Variants in NPEPPS observed in about 807,000 individuals in gnomAD.
The protein encoded by NPEPPS is puromycin-sensitive aminopeptidase.
NPEPPS carries 14 observed loss-of-function variants against 115.5 expected under a neutral mutation model. That is an observed-to-expected ratio of 0.12 (90% CI 0.08 to 0.19). NPEPPS has a LOEUF of 0.19. NPEPPS is among the 10% of genes least tolerant of loss of function. The pLI, the probability that NPEPPS is intolerant of heterozygous loss-of-function variation, is 1.00. For missense variants in NPEPPS, 523 were observed against 1,110.8 expected (o/e 0.47, Z 7.52); for synonymous variants, 285 against 390.6 (o/e 0.73, Z 3.19).
chr17:47,622,833 T>C lies in NPEPPS; in HGVS notation c.*913T>C. 2.2e-6 allele frequency: 1 copy of C among 455,152 alleles called. No individual in the cohort carries two copies. The highest frequency in any genetic ancestry group is 1.6e-5 in the South Asian group (1 of 64,302). 28.2% of individuals were successfully genotyped at this position (455,152 alleles called of 1,614,324 possible). On this transcript the variant is annotated 3_prime_UTR_variant, in exon 23 of 23. Coordinates refer to ENST00000322157, the MANE Select transcript of NPEPPS (RefSeq NM_006310.4). ...GGAGTTATTCTGCTAAAAATGGTCT[T>C]AGTTGTCTGAAAAGCCAGCTCTTGA...
At chr17:47,525,775 C>G (rs1247012923) in intron 1 of NPEPPS, among the ~76,000 whole-genome samples, 1 of 152,098 alleles carries the variant, frequency 6.6e-6, no homozygotes, top group African/African-American at 2.4e-5. Context: ...AAAATATTGT[C>G]TCTTGGTTAA....
intron 1 of NPEPPS, among the ~76,000 whole-genome samples, chr17:47,543,313 A>T (rs12947261): frequency 6.8e-5 from 10 of 146,522 alleles, no homozygotes; most frequent in African/African-American, 7.5e-5. Flanking sequence ...CAGTAAAAAA[A>T]TTTTTTTTTT....
upstream of NPEPPS, among the ~76,000 whole-genome samples, chr17:47,529,909 A>C: frequency 7.7e-6 from 1 of 130,700 alleles, no homozygotes; most frequent in Middle Eastern, 3.4e-3. Flanking sequence ...GAAAAGGTGA[A>C]ACATCCCATT....
chr17:47,604,557 G>T (rs1293577565), intron 16 of NPEPPS, among the ~76,000 whole-genome samples: 1 of 152,212 alleles, frequency 6.6e-6, no homozygotes, highest in African/African-American at 2.4e-5. Flanking sequence ...TTCAGCGTAG[G>T]TTAGGTAATT....
intron 9 of NPEPPS, among the ~76,000 whole-genome samples, chr17:47,588,016 A>G (rs1157459242): frequency 1.3e-5 from 2 of 151,518 alleles, no homozygotes; most frequent in Non-Finnish European, 2.9e-5. Context: ...TAATAAGTGA[A>G]CTAGATGTAC....
At chr17:47,524,123 T>C (rs1388444761) in intron 1 of NPEPPS, among the ~76,000 whole-genome samples, 11 of 116,238 alleles carry the variant, frequency 9.5e-5, no homozygotes, top group Non-Finnish European at 1.6e-4. Context: ...CTGGCCAACA[T>C]GGTGAAACCC....
intron 3 of NPEPPS, among the ~76,000 whole-genome samples, chr17:47,572,511 C>T (rs1911259375): frequency 6.6e-6 from 1 of 151,616 alleles, no homozygotes; most frequent in Admixed American, 6.6e-5. Context: ...AAGCTAATTA[C>T]TATCCTTAGA....
intron 1 of NPEPPS, among the ~76,000 whole-genome samples, chr17:47,537,413 G>A (rs1464504518): frequency 1.3e-5 from 2 of 152,090 alleles, no homozygotes; most frequent in Non-Finnish European, 1.5e-5. Flanking sequence ...AGTTTACTAG[G>A]CTGGGTGTGG....
At chr17:47,540,855 C>G (rs536416390) in intron 1 of NPEPPS, among the ~76,000 whole-genome samples, 1 of 152,218 alleles carries the variant, frequency 6.6e-6, no homozygotes, top group Non-Finnish European at 1.5e-5. Context: ...TAATATAAGA[C>G]AAGATGCTGA....
chr17:47,614,186 C>G (rs1914049112), intron 19 of NPEPPS, among the ~76,000 whole-genome samples: 1 of 152,048 alleles, frequency 6.6e-6, no homozygotes, highest in African/African-American at 2.4e-5. Flanking sequence ...CCAGGCTGGT[C>G]TCAAATTCCT....
intron 18 of NPEPPS, among the ~76,000 whole-genome samples, chr17:47,613,129 T>G (rs1200408699): frequency 6.6e-6 from 1 of 152,184 alleles, no homozygotes; most frequent in Non-Finnish European, 1.5e-5. Context: ...GAAAGGTGAT[T>G]AGCTGTGCAC....
At chr17:47,525,602 C>CA (rs1330471212) in intron 1 of NPEPPS, among the ~76,000 whole-genome samples, 2 of 152,170 alleles carry the variant, frequency 1.3e-5, no homozygotes, top group Non-Finnish European at 1.5e-5. Context: ...CTTGGCCTCC[C>CA]ATAGTGCTGG....
chr17:47,588,791 A>C (rs1255316075), intron 9 of NPEPPS, among the ~76,000 whole-genome samples: 2 of 152,180 alleles, frequency 1.3e-5, no homozygotes, highest in Non-Finnish European at 2.9e-5. Flanking sequence ...TACTGGTTTT[A>C]TGTAACTATT....
At chr17:47,546,806 TTACAGATGTGAGCC>T (rs1306257934) in intron 2 of NPEPPS, among the ~76,000 whole-genome samples, 1 of 152,146 alleles carries the variant, frequency 6.6e-6, no homozygotes. Context: ...AGTGCTGGGA[TTACAGATGTGAGCC>T]ACCACACCCG....
chr17:47,560,476 A>T (rs1486054482), intron 2 of NPEPPS, among the ~76,000 whole-genome samples: 1 of 152,222 alleles, frequency 6.6e-6, no homozygotes, highest in Non-Finnish European at 1.5e-5. Context: ...TATGAAATCC[A>T]TTTGAAAATA....
At chr17:47,548,383 T>C (rs1408318417) in intron 2 of NPEPPS, 8 of 152,046 alleles carry the variant, frequency 5.3e-5, no homozygotes, top group Admixed American at 6.6e-5. Flanking sequence ...ATAGAAGTAC[T>C]TTAGCCAGGT....
chr17:47,548,590 C>CTT (rs538733982), intron 2 of NPEPPS, among the ~76,000 whole-genome samples: 1,822 of 104,642 alleles, frequency 0.017, 52 homozygotes, highest in African/African-American at 0.059. Flanking sequence ...CTGAAAAGTT[C>CTT]TTTTTTTTTT....
intron 14 of NPEPPS, 84 bp from the exon 15 acceptor site, chr17:47,601,524 C>T: frequency 1.3e-6 from 2 of 1,500,076 alleles, no homozygotes; most frequent in African/African-American, 1.4e-5. Flanking sequence ...GGCTTAGGCT[C>T]CTGGTTAGAA....
intron 3 of NPEPPS, among the ~76,000 whole-genome samples, chr17:47,576,826 A>G (rs528789713): frequency 6.6e-6 from 1 of 152,306 alleles, no homozygotes; most frequent in South Asian, 2.1e-4. Context: ...ATGTGTGTTG[A>G]TAGGCATAAA....
Sources: gnomAD v4.1 joint callset for allele counts (sites outside exome capture counted in the v4.1 genomes callset) on GRCh38, gnomAD v4.1.1 for gene constraint, MANE v1.5 for transcripts, NCBI Gene and HGNC (gene_info 2026-07-23, HGNC 2026-07-21) for gene names.